The following CCNI variants were observed in gnomAD, a reference collection of about 807,000 sequenced individuals.
The protein encoded by CCNI is cyclin-I.
A neutral mutation model predicts 34.1 loss-of-function variants in CCNI; 14 were observed. The ratio of observed to expected loss-of-function variants is 0.41; its 90% CI spans 0.27 to 0.64. CCNI has a LOEUF of 0.64. Among genes scored for constraint, CCNI ranks in the 30% least tolerant of loss-of-function variants. The pLI, the probability that CCNI is intolerant of heterozygous loss-of-function variation, is 0.31. For synonymous variants in CCNI, 154 were observed against 158.4 expected, an observed-to-expected ratio of 0.97 and a Z score of 0.21; for missense variants, 385 against 440.5, an observed-to-expected ratio of 0.87 and a Z score of 1.13.
At chr4:77,072,375 T>C (rs1418924302) in intron 1 of CCNI, among the ~76,000 whole-genome samples, 2 of 148,316 alleles carry the variant, frequency 1.3e-5, no homozygotes, top group African/African-American at 5.0e-5. Flanking sequence ...CCCAGAACTT[T>C]GTGAGGCAGG....
intron 1 of CCNI, among the ~76,000 whole-genome samples, chr4:77,071,036 A>ATTT (rs1729429195): frequency 1.3e-5 from 2 of 152,214 alleles, no homozygotes; most frequent in South Asian, 4.1e-4. Context: ...AGCCTTCACA[A>ATTT]GCTATCCCAA....
Position 77,055,174 on chromosome 4 carries a change from T to C in CCNI, c.666A>G (p.Thr222=). 9.3e-6 allele frequency: 15 copies of C among 1,613,290 alleles called. No individual in the cohort carries two copies. The highest frequency in any genetic ancestry group is 1.2e-5 in the Non-Finnish European group (14 of 1,179,212). Residue 222 remains threonine (T), a synonymous_variant, in exon 6 of 7, where the codon ACA becomes ACG. Coordinates refer to ENST00000237654, the MANE Select transcript of CCNI (RefSeq NM_006835.3). ...CCTGTGCTTTCTGAAGCAGTTCAAT[T>C]GTAAGAGAAAGCCAATCAGGAATGA... ...EKLIPDWLSL[T]IELLQKAQMD...
intron 6 of CCNI, among the ~76,000 whole-genome samples, chr4:77,049,174 A>C (rs1195070837): frequency 1.3e-5 from 2 of 152,130 alleles, no homozygotes; most frequent in African/African-American, 4.8e-5. Context: ...TAGTAAATGA[A>C]AAATTTAGAA....
chr4:77,056,860 G>A lies in CCNI; in HGVS notation c.244-537C>T, dbSNP rs4252886. Among the ~76,000 whole-genome samples, 113 of 152,094 alleles carry A rather than the reference G, an allele frequency of 7.4e-4. 1 individual carries two copies. The highest frequency in any genetic ancestry group is 2.7e-3 in the African/African-American group (113 of 41,492). ...CCCGCCTCGGCCTCCCAAAGTGCTGGGATTACAGGCGTCAGCCACCGTGCC... is the reference window on the plus strand; with the variant it reads ...CCCGCCTCGGCCTCCCAAAGTGCTGAGATTACAGGCGTCAGCCACCGTGCC... On this transcript the variant is annotated intron_variant, in intron 3 of 6. Transcript: ENST00000237654.
intron 2 of CCNI, 77 bp from the exon 3 acceptor site, chr4:77,058,712 AAAAGG>A: frequency 7.7e-7 from 1 of 1,305,556 alleles, no homozygotes; most frequent in Non-Finnish European, 1.1e-6. Flanking sequence ...TCTCTCTCAT[AAAAGG>A]TTAGGTAATA....
In CCNI at chr4:77,075,715, T is replaced by C. The variant is rs1312818504; in HGVS notation, c.-287A>G. 2 of 274,732 alleles carry C rather than the reference T, an allele frequency of 7.3e-6. No homozygotes were observed. Among genetic ancestry groups the C allele is most frequent in the African/African-American group, 4.6e-5 (2 of 43,452 alleles). 17.0% of individuals were successfully genotyped at this position (274,732 alleles called of 1,614,324 possible). A position where few individuals can be genotyped will look rare whatever the true frequency, so the allele number is the denominator to read the frequency against. On this transcript the variant is annotated 5_prime_UTR_variant, in exon 1 of 7. Transcript: ENST00000237654. ...CCGCTGGGTCGGTCAGCGAATTAGTTCCATGATGACCCCCGGCCTGAGGCC... is the reference window on the plus strand; with the variant it reads ...CCGCTGGGTCGGTCAGCGAATTAGTCCCATGATGACCCCCGGCCTGAGGCC...
At chr4:77,051,337 G>A (rs367634591) in intron 6 of CCNI, among the ~76,000 whole-genome samples, 1 of 152,136 alleles carries the variant, frequency 6.6e-6, no homozygotes, top group South Asian at 2.1e-4. Context: ...CTTGGTCACT[G>A]GGCATAATAA....
chr4:77,051,371 T>C (rs1727821766), intron 6 of CCNI, among the ~76,000 whole-genome samples: 3 of 152,214 alleles, frequency 2.0e-5, no homozygotes, highest in Admixed American at 1.3e-4. Flanking sequence ...ATCAATACTA[T>C]GGCAGAATCC....
rs1218884183 is a variant in CCNI, at chr4:77,075,613, TGAG to T, written c.-188_-186del. On this transcript the variant is annotated 5_prime_UTR_variant, in exon 1 of 7. Coordinates refer to ENST00000237654, the MANE Select transcript of CCNI (RefSeq NM_006835.3). ...GTGCGCGCGGGACGACTCGGCCAAC[TGAG>T]GAGGGAGAAAGGGGAAGCGGATCGG... 4.1e-6 allele frequency: 4 copies of T among 976,860 alleles called. No individual in the cohort carries two copies. Among genetic ancestry groups the T allele is most frequent in the Non-Finnish European group, 4.9e-6 (4 of 820,696 alleles). The allele number at this position is 976,860 out of a possible 1,614,324, so 60.5% of individuals were successfully genotyped here.
intron 1 of CCNI, 168 bp downstream of exon 1, chr4:77,075,304 G>GC (rs1729825823): frequency 6.4e-6 from 1 of 155,552 alleles, no homozygotes; most frequent in African/African-American, 2.4e-5. Context: ...GAAGAGGGCG[G>GC]CCCCGAGGTT....
At chr4:77,064,601 A>G (rs1358915619) in intron 2 of CCNI, 29 of 147,544 alleles carry the variant, frequency 2.0e-4, no homozygotes, top group Admixed American at 1.2e-3. Flanking sequence ...ACACACACAC[A>G]CACACACACA....
chr4:77,059,663 T>C (rs1728472287), intron 2 of CCNI, among the ~76,000 whole-genome samples: 1 of 152,112 alleles, frequency 6.6e-6, no homozygotes, highest in African/African-American at 2.4e-5. Context: ...TTCATTTGTA[T>C]TTCCTAAGTT....
In CCNI at chr4:77,048,962, G is replaced by GTTTTTTTT. The variant is rs538284505; in HGVS notation, c.691-308_691-301dup. ...AACTACTTTTTTGTATCCAACGTCTGTTTTTTTTTTTTTTTTTTTTTTTTT... is the reference window on the plus strand; with the variant it reads ...AACTACTTTTTTGTATCCAACGTCTGTTTTTTTTTTTTTTTTTTTTTTTTTTTTTTTTT... On this transcript the variant is annotated intron_variant, in intron 6 of 6. Transcript: ENST00000237654. 3.4e-4 allele frequency among the ~76,000 whole-genome samples: 16 copies of GTTTTTTTT among 47,654 alleles called. 2 individuals are homozygous for GTTTTTTTT. The highest frequency in any genetic ancestry group is 1.0e-3 in the South Asian group (1 of 992). The allele number at this position is 47,654 out of a possible 152,430, so 31.3% of individuals were successfully genotyped here.
chr4:77,067,666 G>GT (rs199569328), intron 1 of CCNI, among the ~76,000 whole-genome samples: 3,853 of 139,392 alleles, frequency 0.028, 190 homozygotes, highest in African/African-American at 0.092. Context: ...AATTTTGTGG[G>GT]GTTTTTTTTT....
chr4:77,071,658 A>C (rs1207048658), intron 1 of CCNI, among the ~76,000 whole-genome samples: 2 of 152,178 alleles, frequency 1.3e-5, no homozygotes, highest in African/African-American at 2.4e-5. Flanking sequence ...ATCAAGACTA[A>C]AAAGAAGACA....
intron 1 of CCNI, among the ~76,000 whole-genome samples, chr4:77,068,467 C>T (rs1729214746): frequency 6.6e-6 from 1 of 151,986 alleles, no homozygotes; most frequent in Admixed American, 6.6e-5. Flanking sequence ...ACTGAAATGT[C>T]AAAAAACAGC....
intron 6 of CCNI, among the ~76,000 whole-genome samples, chr4:77,051,967 T>TA (rs988894874): frequency 2.7e-5 from 4 of 150,460 alleles, no homozygotes; most frequent in Admixed American, 6.6e-5. Flanking sequence ...TTTTTTTTTT[T>TA]AAATTTGCTT....
intron 2 of CCNI, among the ~76,000 whole-genome samples, chr4:77,063,582 G>C (rs891147884): frequency 6.6e-6 from 1 of 151,478 alleles, no homozygotes; most frequent in Non-Finnish European, 1.5e-5. Context: ...CCCAGCTAAT[G>C]GGGAGGCTGA....
chr4:77,071,353 A>C (rs1316903973), intron 1 of CCNI, among the ~76,000 whole-genome samples: 4 of 152,246 alleles, frequency 2.6e-5, no homozygotes, highest in Admixed American at 6.5e-5. Flanking sequence ...ATACAATTAA[A>C]GCAGTGCTTA....
Sources: gnomAD v4.1 joint callset for allele counts (sites outside exome capture counted in the v4.1 genomes callset) on GRCh38, gnomAD v4.1.1 for gene constraint, MANE v1.5 for transcripts, NCBI Gene and HGNC (gene_info 2026-07-23, HGNC 2026-07-21) for gene names.